The following SCN11A variants were observed in gnomAD, a reference collection of about 807,000 sequenced individuals.
SCN11A encodes sodium channel protein type 11 subunit alpha.
SCN11A carries 122 observed loss-of-function variants against 162.2 expected under a neutral mutation model. That is an observed-to-expected ratio of 0.75 (90% CI 0.65 to 0.87). The LOEUF is 0.87. Among genes scored for constraint, SCN11A ranks in the 40% least tolerant of loss-of-function variants. The pLI, the probability that SCN11A is intolerant of heterozygous loss-of-function variation, is 0.00. For synonymous variants in SCN11A, 758 were observed against 751.5 expected (o/e 1.01, Z -0.14); for missense variants, 2,015 against 2,181.6 (o/e 0.92, Z 1.52).
chr3:38,880,884 T>C (rs1325594210), intron 22 of SCN11A, among the ~76,000 whole-genome samples: 4 of 152,170 alleles, frequency 2.6e-5, no homozygotes, highest in African/African-American at 9.7e-5. Context: ...TAAGCTGTCC[T>C]TTTGGCCTTT....
intron 25 of SCN11A, among the ~76,000 whole-genome samples, chr3:38,871,207 C>G (rs1433958161): frequency 6.6e-6 from 1 of 152,158 alleles, no homozygotes; most frequent in African/African-American, 2.4e-5. Flanking sequence ...CCATACAGGA[C>G]AAGGTGAGAT....
intron 1 of SCN11A, among the ~76,000 whole-genome samples, chr3:39,032,960 T>C (rs2031800551): frequency 6.6e-6 from 1 of 152,182 alleles, no homozygotes; most frequent in East Asian, 1.9e-4. Context: ...GAGACCAGCC[T>C]GGCCAACATG....
chr3:38,862,464 C>T (rs773166174), intron 28 of SCN11A, among the ~76,000 whole-genome samples: 3 of 152,142 alleles, frequency 2.0e-5, no homozygotes, highest in Admixed American at 6.6e-5. Context: ...CAGCACAATT[C>T]GCAACGGCAA....
chr3:38,957,967 G>A (rs141007125), intron 3 of SCN11A, among the ~76,000 whole-genome samples: 25 of 152,322 alleles, frequency 1.6e-4, no homozygotes, highest in African/African-American at 5.3e-4. Context: ...GCATGGTGAC[G>A]AGGAATCAGA....
chr3:38,880,571 T>C (rs1324612046), intron 22 of SCN11A, among the ~76,000 whole-genome samples: 1 of 152,124 alleles, frequency 6.6e-6, no homozygotes, highest in Non-Finnish European at 1.5e-5. Context: ...CCAAGTGCCT[T>C]AGCCCGTTCT....
rs78860363 is a variant in SCN11A, at chr3:39,043,748, A to G, written c.-404+8113T>C. Among the ~76,000 whole-genome samples, 628 of 152,282 alleles carry G rather than the reference A, an allele frequency of 4.1e-3. 9 individuals carry two copies. Among genetic ancestry groups the G allele is most frequent in the African/African-American group, 0.014 (596 of 41,554 alleles). ...GTACAAAAAAAATTAGAAAGAATAA[A>G]TAAGACAGTATTTCATAGCACAACA... is the stretch of plus-strand genomic sequence containing the variant. On this transcript the variant is annotated intron_variant, in intron 1 of 29. Coordinates refer to ENST00000302328, the MANE Select transcript of SCN11A (RefSeq NM_001349253.2).
chr3:38,938,548 A>ATTG (rs2066388570), intron 7 of SCN11A, among the ~76,000 whole-genome samples: 1 of 16,944 alleles, frequency 5.9e-5, no homozygotes, highest in Non-Finnish European at 9.4e-5. Context: ...ATATATATAT[A>ATTG]TATTTTTTTT....
intron 4 of SCN11A, among the ~76,000 whole-genome samples, chr3:38,952,883 G>A (rs2125579735): frequency 6.6e-6 from 1 of 152,350 alleles, no homozygotes; most frequent in East Asian, 1.9e-4. Flanking sequence ...GGATTTCATG[G>A]AGTGGAATGG....
intron 17 of SCN11A, among the ~76,000 whole-genome samples, chr3:38,899,114 A>G (rs575455849): frequency 5.3e-5 from 8 of 152,282 alleles, no homozygotes; most frequent in Admixed American, 2.0e-4. Context: ...ATCTGAAAAA[A>G]AAAGGTAAAT....
intron 2 of SCN11A, among the ~76,000 whole-genome samples, chr3:38,990,302 A>C (rs1280490658): frequency 1.3e-5 from 2 of 152,132 alleles, no homozygotes; most frequent in Admixed American, 6.5e-5. Context: ...TCACCTCTGC[A>C]ATAAGGGGCA....
At chr3:38,966,255 C>T (rs2066781432) in intron 2 of SCN11A, among the ~76,000 whole-genome samples, 1 of 152,186 alleles carries the variant, frequency 6.6e-6, no homozygotes, top group African/African-American at 2.4e-5. Context: ...GGCTTCCTGA[C>T]TTCACTTTAG....
chr3:38,917,277 ACAGAACTAC>A (rs1275980088), intron 11 of SCN11A, among the ~76,000 whole-genome samples: 3 of 152,204 alleles, frequency 2.0e-5, no homozygotes, highest in Admixed American at 6.5e-5. Context: ...AGACCTAAAA[ACAGAACTAC>A]CATTTGACCT....
intron 1 of SCN11A, among the ~76,000 whole-genome samples, chr3:39,037,755 T>A (rs185601502): frequency 2.6e-4 from 39 of 152,192 alleles, no homozygotes; most frequent in African/African-American, 8.2e-4. Context: ...CTGGAACAAA[T>A]CCCCCATAGA....
intron 10 of SCN11A, among the ~76,000 whole-genome samples, chr3:38,920,269 G>C (rs192250807): frequency 7.6e-4 from 115 of 152,212 alleles, no homozygotes; most frequent in Non-Finnish European, 1.5e-3. Flanking sequence ...CTGAACCGAA[G>C]ATCCTCCCTG....
chr3:38,928,554 A>T (rs2066180268), intron 7 of SCN11A, among the ~76,000 whole-genome samples: 1 of 152,140 alleles, frequency 6.6e-6, no homozygotes, highest in Admixed American at 6.5e-5. Context: ...AAATTAAATA[A>T]TAAAATAAAA....
At chr3:38,974,645 A>G (rs1242750861) in intron 2 of SCN11A, among the ~76,000 whole-genome samples, 2 of 147,958 alleles carry the variant, frequency 1.4e-5, no homozygotes, top group African/African-American at 5.0e-5. Context: ...CAGTGAGCCA[A>G]GATCGCGCCA....
intron 11 of SCN11A, among the ~76,000 whole-genome samples, chr3:38,915,602 TG>T (rs1354935704): frequency 6.6e-6 from 1 of 152,222 alleles, no homozygotes; most frequent in Non-Finnish European, 1.5e-5. Context: ...TCCATGTAAT[TG>T]CATGGTTTTA....
chr3:38,921,749 C>A (rs771698959), intron 9 of SCN11A, among the ~76,000 whole-genome samples: 10 of 152,172 alleles, frequency 6.6e-5, no homozygotes, highest in Non-Finnish European at 1.3e-4. Flanking sequence ...ATGAGGATAT[C>A]CTGGGAGGGA....
At chr3:38,923,806 C>A (rs1305984371) in intron 9 of SCN11A, among the ~76,000 whole-genome samples, 1 of 152,002 alleles carries the variant, frequency 6.6e-6, no homozygotes, top group African/African-American at 2.4e-5. Flanking sequence ...GTCGGGGGAG[C>A]AGGAGTGGGC....
Sources: gnomAD v4.1 joint callset for allele counts (sites outside exome capture counted in the v4.1 genomes callset) on GRCh38, gnomAD v4.1.1 for gene constraint, MANE v1.5 for transcripts, NCBI Gene and HGNC (gene_info 2026-07-23, HGNC 2026-07-21) for gene names.